The following BMPR1A variants were observed in gnomAD, a reference collection of about 807,000 sequenced individuals.
BMPR1A encodes bone morphogenetic protein receptor type 1A, also known as bone morphogenetic protein receptor type-1A.
Under a neutral mutation model 66.0 loss-of-function variants are expected in BMPR1A, and 7 were observed. That is an observed-to-expected ratio of 0.11 (90% confidence interval 0.06 to 0.20). The LOEUF (loss-of-function observed/expected upper bound fraction) is 0.20, where lower values mean the gene tolerates loss of function less well. BMPR1A is among the 10% of genes least tolerant of loss of function. BMPR1A has a pLI of 1.00. For synonymous variants in BMPR1A, 200 were observed against 229.7 expected (o/e 0.87, Z 1.17); for missense variants, 408 against 669.1 (o/e 0.61, Z 4.31).
At chr10:86,895,499 T>C (rs892491390) in intron 5 of BMPR1A, among the ~76,000 whole-genome samples, 13 of 151,524 alleles carry the variant, frequency 8.6e-5, no homozygotes, top group African/African-American at 2.9e-4. Flanking sequence ...AATCATGCCA[T>C]TGCACTCCAG....
intron 1 of BMPR1A, among the ~76,000 whole-genome samples, chr10:86,795,509 A>G (rs1841695899): frequency 6.6e-6 from 1 of 152,124 alleles, no homozygotes; most frequent in Non-Finnish European, 1.5e-5. Flanking sequence ...TTACTTTCTA[A>G]AAGTTGCTGT....
intron 1 of BMPR1A, among the ~76,000 whole-genome samples, chr10:86,769,141 T>C (rs145944867): frequency 1.3e-5 from 2 of 152,354 alleles, no homozygotes; most frequent in African/African-American, 4.8e-5. Context: ...CTTCTGTGTA[T>C]CATCAGTACT....
intron 3 of BMPR1A, among the ~76,000 whole-genome samples, chr10:86,880,699 C>G (rs774682522): frequency 6.6e-6 from 1 of 152,182 alleles, no homozygotes; most frequent in African/African-American, 2.4e-5. Context: ...ATCTGATTGT[C>G]TTTTTTCACT....
chr10:86,842,565 A>G (rs1476865073), intron 2 of BMPR1A, among the ~76,000 whole-genome samples: 1 of 152,180 alleles, frequency 6.6e-6, no homozygotes, highest in African/African-American at 2.4e-5. Context: ...TTTGTGAAAA[A>G]TGGGCAGTCA....
intron 1 of BMPR1A, among the ~76,000 whole-genome samples, chr10:86,832,569 C>T (rs1398656004): frequency 3.3e-5 from 5 of 152,104 alleles, no homozygotes; most frequent in Admixed American, 3.3e-4. Context: ...ACTTTATCAC[C>T]TCCCACAATC....
intron 8 of BMPR1A, 24 bp from the exon 9 acceptor site, chr10:86,917,110 A>G (rs764371293): frequency 3.1e-6 from 5 of 1,612,932 alleles, no homozygotes; most frequent in Non-Finnish European, 3.4e-6. Context: ...CAAGAGCTCA[A>G]ACCTTTTACT....
intron 1 of BMPR1A, among the ~76,000 whole-genome samples, chr10:86,777,463 TC>T (rs1472693990): frequency 1.2e-4 from 18 of 152,130 alleles, no homozygotes; most frequent in African/African-American, 3.9e-4. Flanking sequence ...TGCCCGTAGT[TC>T]CAGCTACTTG....
intron 2 of BMPR1A, among the ~76,000 whole-genome samples, chr10:86,842,956 C>T (rs930612807): frequency 1.3e-5 from 2 of 152,090 alleles, no homozygotes; most frequent in African/African-American, 2.4e-5. Context: ...ATGGGAGCTA[C>T]AATTCAAGAG....
intron 2 of BMPR1A, among the ~76,000 whole-genome samples, chr10:86,866,952 G>A (rs1842794780): frequency 6.6e-6 from 1 of 152,114 alleles, no homozygotes; most frequent in Admixed American, 6.5e-5. Context: ...ATGGGATAAT[G>A]CACGTAAAAC....
intron 2 of BMPR1A, among the ~76,000 whole-genome samples, chr10:86,874,641 T>G (rs965826247): frequency 6.6e-6 from 1 of 150,434 alleles, no homozygotes; most frequent in Non-Finnish European, 1.5e-5. Flanking sequence ...TCTCCTGACC[T>G]CATGATCTGC....
chr10:86,788,427 G>C (rs758452375), intron 1 of BMPR1A, among the ~76,000 whole-genome samples: 61 of 152,252 alleles, frequency 4.0e-4, no homozygotes, highest in Non-Finnish European at 2.6e-4. Flanking sequence ...CATACCCTAA[G>C]TTTAGGGGGC....
At chr10:86,828,646 C>G (rs566403868) in intron 1 of BMPR1A, among the ~76,000 whole-genome samples, 1 of 152,222 alleles carries the variant, frequency 6.6e-6, no homozygotes, top group East Asian at 1.9e-4. Flanking sequence ...TAGAATCACT[C>G]TCTGATAATT....
intron 2 of BMPR1A, among the ~76,000 whole-genome samples, chr10:86,871,403 T>C (rs1302231484): frequency 6.6e-6 from 1 of 152,226 alleles, no homozygotes; most frequent in Non-Finnish European, 1.5e-5. Flanking sequence ...TGGTATCTAA[T>C]ACAGAATCAT....
intron 10 of BMPR1A, among the ~76,000 whole-genome samples, chr10:86,919,691 GTTTGTTTTTTGTTT>G (rs561296240): frequency 9.4e-5 from 13 of 138,256 alleles, no homozygotes; most frequent in South Asian, 5.0e-4. Context: ...GTTTTTTTTT[GTTTGTTTTTTGTTT>G]TTTGTTTTTT....
At chr10:86,759,381 T>A (rs1475974602) in intron 1 of BMPR1A, among the ~76,000 whole-genome samples, 1 of 152,256 alleles carries the variant, frequency 6.6e-6, no homozygotes, top group African/African-American at 2.4e-5. Flanking sequence ...ATTCTTTGTT[T>A]ATGTGTCTTC....
At chr10:86,868,993 T>G (rs1842820023) in intron 2 of BMPR1A, among the ~76,000 whole-genome samples, 1 of 152,214 alleles carries the variant, frequency 6.6e-6, no homozygotes, top group Non-Finnish European at 1.5e-5. Context: ...CAATAGCTTT[T>G]AAATGGCAGC....
chr10:86,782,313 C>T (rs568031661), intron 1 of BMPR1A, among the ~76,000 whole-genome samples: 2 of 152,228 alleles, frequency 1.3e-5, no homozygotes, highest in South Asian at 2.1e-4. Context: ...AATATCTCTT[C>T]GAGATCCTGT....
intron 2 of BMPR1A, among the ~76,000 whole-genome samples, chr10:86,860,319 CAG>C (rs1464186070): frequency 1.3e-5 from 2 of 151,932 alleles, no homozygotes; most frequent in African/African-American, 2.4e-5. Context: ...TATATAAAAA[CAG>C]TAAAGTTTTT....
At chr10:86,866,418 T>C (rs1398876271) in intron 2 of BMPR1A, among the ~76,000 whole-genome samples, 11 of 135,216 alleles carry the variant, frequency 8.1e-5, no homozygotes, top group African/African-American at 2.2e-4. Context: ...TTTTTTTTTT[T>C]TTTTTTTTGA....
Sources: allele counts gnomAD v4.1 joint callset (sites outside exome capture counted in the v4.1 genomes callset), GRCh38; gene constraint gnomAD v4.1.1; transcripts MANE v1.5; gene names NCBI Gene and HGNC (gene_info 2026-07-23, HGNC 2026-07-21).